SNURF: variants seen among roughly 807,000 people sequenced by gnomAD.
The protein encoded by SNURF is SNURF protein.
Under a neutral mutation model 11.6 loss-of-function variants are expected in SNURF, and 6 were observed. The observed-to-expected ratio is 0.52, with a 90% CI of 0.28 to 1.02. The LOEUF is 1.02. Ranked by LOEUF, SNURF falls within the 50% of genes least tolerant of loss-of-function variation. The probability of loss-of-function intolerance (pLI) is 0.09; values close to 1 mark genes in which losing one functional copy is unlikely to be tolerated. For synonymous variants in SNURF, 29 were observed against 31.6 expected (o/e 0.92, Z 0.27); for missense variants, 84 against 88.4 (o/e 0.95, Z 0.20).
In SNURF at chr15:24,968,090, C is replaced by CT. The variant is rs1328811941; in HGVS notation, c.*54dup. 4.9e-6 allele frequency: 7 copies of CT among 1,432,086 alleles called. No individual in the cohort carries two copies. In the Admixed American group the frequency reaches 5.0e-5, roughly 10 times the overall value. 88.7% of individuals were successfully genotyped at this position (1,432,086 alleles called of 1,614,324 possible). A position where few individuals can be genotyped will look rare whatever the true frequency, so the allele number is the denominator to read the frequency against. On this transcript the variant is annotated 3_prime_UTR_variant, in exon 3 of 3. Transcript: ENST00000577949. ...ATTCCAAGCAAAAACCAGGTTAGAG[C>CT]TAATGCAGCAATGATCAAGAATAAA...
At chr15:24,957,924 G>A (rs2063188929) in intron 1 of SNURF, among the ~76,000 whole-genome samples, 1 of 152,134 alleles carries the variant, frequency 6.6e-6, no homozygotes, top group African/African-American at 2.4e-5. Flanking sequence ...CAAGGTCTGT[G>A]TCCTACTCAG....
At chr15:24,961,567 T>C (rs770111119) in intron 1 of SNURF, among the ~76,000 whole-genome samples, 9 of 152,338 alleles carry the variant, frequency 5.9e-5, no homozygotes, top group Non-Finnish European at 1.3e-4. Flanking sequence ...GTTTGTTTGT[T>C]TTTGCTATGT....
At chr15:24,960,142 G>C (rs1269440317) in intron 1 of SNURF, among the ~76,000 whole-genome samples, 1 of 152,118 alleles carries the variant, frequency 6.6e-6, no homozygotes, top group Non-Finnish European at 1.5e-5. Context: ...GTGCATGCCT[G>C]TAATCCCAGC....
chr15:24,975,283 G>A (rs2076938067), intron 3 of SNURF: 2 of 1,161,458 alleles, frequency 1.7e-6, no homozygotes, highest in South Asian at 1.4e-5. Flanking sequence ...ATGTAAGGGT[G>A]GAGAAGAAAC....
chr15:24,976,164 A>AT (rs1555409641), intron 4 of SNURF: 1 of 672,156 alleles, frequency 1.5e-6, no homozygotes, highest in Non-Finnish European at 2.6e-6. Context: ...GTTTACAGAT[A>AT]TTTTTTGGCT....
intron 1 of SNURF, among the ~76,000 whole-genome samples, chr15:24,958,146 T>G (rs2063219734): frequency 6.6e-6 from 1 of 152,240 alleles, no homozygotes; most frequent in Admixed American, 6.5e-5. Flanking sequence ...ACATTTATAG[T>G]TACTCTGTAT....
At chr15:24,972,767 T>G (rs1054487191), downstream of SNURF, among the ~76,000 whole-genome samples, 4 of 149,406 alleles carry the variant, frequency 2.7e-5, no homozygotes, top group Admixed American at 2.7e-4. Context: ...AGGGAAACAT[T>G]ATGCATGCTT....
At chr15:24,978,359 C>T (rs759334220), downstream of SNURF, 75 of 1,613,982 alleles carry the variant, frequency 4.6e-5, no homozygotes, top group Admixed American at 1.2e-3. Flanking sequence ...AGCCAGGCCC[C>T]TGAATATGTG....
At chr15:24,978,123 T>G (rs915929154), downstream of SNURF, 1 of 1,499,030 alleles carries the variant, frequency 6.7e-7, no homozygotes, top group African/African-American at 1.4e-5. Context: ...CTTTAGGGAT[T>G]ATTTGGGCTA....
chr15:24,969,518 A>G (rs2076134640), downstream of SNURF, among the ~76,000 whole-genome samples: 1 of 152,236 alleles, frequency 6.6e-6, no homozygotes. Flanking sequence ...TAGCAATTGC[A>G]TAAGCAAATT....
chr15:24,968,739 T>C (rs915036439), downstream of SNURF: 33 of 152,190 alleles, frequency 2.2e-4, no homozygotes, highest in Non-Finnish European at 1.0e-4. Context: ...CCTTTTTGTT[T>C]TGTCTTTTTC....
At chr15:24,962,306 T>C in intron 2 of SNURF, 97 bp downstream of exon 2, 2 of 969,268 alleles carry the variant, frequency 2.1e-6, no homozygotes, top group Non-Finnish European at 3.3e-6. Context: ...TGAACATAAT[T>C]GAAGAAGCAG....
At position 24,974,292 on chromosome 15, in the gene SNURF, A is replaced by C. The variant is rs1426951513; in HGVS notation, c.*46-1066A>C. Reference sequence around the variant, plus strand: ...ACATGGTAGATTGCAGTGCAGCTTTAACATGCTTTCCTCTGCAGGCTCCAT... The same window carrying C: ...ACATGGTAGATTGCAGTGCAGCTTTCACATGCTTTCCTCTGCAGGCTCCAT... On this transcript the variant is annotated intron_variant and NMD_transcript_variant, in intron 3 of 6. Transcript: ENST00000580062. 51 of 674,942 alleles carry C rather than the reference A, an allele frequency of 7.6e-5. No homozygotes were observed. The East Asian group carries it at 1.3e-3, about 18-fold the overall frequency. The allele number at this position is 674,942 out of a possible 1,614,324, so 41.8% of individuals were successfully genotyped here. A position where few individuals can be genotyped will look rare whatever the true frequency, so the allele number is the denominator to read the frequency against.
intron 6 of SNURF, among the ~76,000 whole-genome samples, chr15:24,977,433 G>T (rs1449375451): frequency 6.6e-6 from 1 of 152,142 alleles, no homozygotes; most frequent in Non-Finnish European, 1.5e-5. Context: ...GAGGTCAGGA[G>T]TTCGACACCA....
downstream of SNURF, among the ~76,000 whole-genome samples, chr15:24,973,566 T>C (rs1433851435): frequency 6.6e-6 from 1 of 151,880 alleles, no homozygotes; most frequent in Non-Finnish European, 1.5e-5. Flanking sequence ...CCTGGCTAAT[T>C]TTTTTGTATT....
chr15:24,978,086 ACT>A (rs972292094), downstream of SNURF: 84 of 1,270,846 alleles, frequency 6.6e-5, no homozygotes, highest in African/African-American at 1.2e-3. Context: ...AAGTTATTTG[ACT>A]CTATCATTGT....
At position 24,957,737 on chromosome 15, in the gene SNURF, C is replaced by CT. The variant is rs145539244; in HGVS notation, c.14+2683dup. 9.2e-3 allele frequency among the ~76,000 whole-genome samples: 1,391 copies of CT among 151,956 alleles called. 22 individuals carry two copies. Among genetic ancestry groups the CT allele is most frequent in the African/African-American group, 0.031 (1,303 of 41,458 alleles). ...TTTTATATGATATTTATAATTTACC[C>CT]TTTTTTTTCTGCTTGCATGAAGATA... On this transcript the variant is annotated intron_variant, in intron 1 of 2. Transcript: ENST00000577949.
At chr15:24,978,374 C>T (rs2153722875), downstream of SNURF, 10 of 1,614,004 alleles carry the variant, frequency 6.2e-6, no homozygotes, top group Middle Eastern at 3.3e-4. Context: ...TATGTGTATC[C>T]TCTTTTTCTC....
chr15:24,958,486 GTT>G (rs71127030), intron 1 of SNURF, among the ~76,000 whole-genome samples: 223 of 65,228 alleles, frequency 3.4e-3, no homozygotes, highest in African/African-American at 0.011. Context: ...CTGGCTCAAA[GTT>G]TTTTTTTTTT....
Sources: gnomAD v4.1 joint callset for allele counts (sites outside exome capture counted in the v4.1 genomes callset) on GRCh38, gnomAD v4.1.1 for gene constraint, MANE v1.5 for transcripts, NCBI Gene and HGNC (gene_info 2026-07-23, HGNC 2026-07-21) for gene names.